SNX3: variants seen among roughly 807,000 people sequenced by gnomAD.
SNX3 encodes sorting nexin 3.
Under a neutral mutation model 17.7 loss-of-function variants are expected in SNX3, and 5 were observed. The observed-to-expected ratio is 0.28, with a 90% CI of 0.15 to 0.59. The LOEUF (loss-of-function observed/expected upper bound fraction) is 0.59. Among genes scored for constraint, SNX3 ranks in the 20% least tolerant of loss-of-function variants. The probability of loss-of-function intolerance (pLI) is 0.88; values close to 1 mark genes in which losing one functional copy is unlikely to be tolerated. For missense variants in SNX3, 132 were observed against 206.8 expected (o/e 0.64, Z 2.22); for synonymous variants, 91 against 76.5 (o/e 1.19, Z -0.99).
chr6:108,261,000 G>A lies in SNX3; in HGVS notation c.-79C>T. ...GCCGCCGCCGCCGCCGCTGCTGCCC[G>A]CCGTGGGGACACGGGGCTCGCGCGC... On this transcript the variant is annotated 5_prime_UTR_variant, in exon 1 of 4. Coordinates refer to ENST00000230085, the MANE Select transcript of SNX3 (RefSeq NM_003795.6). The A allele has an allele frequency of 1.5e-6, 2 of 1,331,550 alleles. No homozygotes were observed. The highest frequency in any genetic ancestry group is 2.0e-6 in the Non-Finnish European group (2 of 1,022,678). 82.5% of individuals were successfully genotyped at this position (1,331,550 alleles called of 1,614,324 possible).
intron 1 of SNX3, among the ~76,000 whole-genome samples, chr6:108,239,442 G>GC (rs1270865416): frequency 6.6e-6 from 1 of 152,136 alleles, no homozygotes; most frequent in African/African-American, 2.4e-5. Flanking sequence ...GGGCAATATA[G>GC]CAAGACCCTG....
intron 2 of SNX3, among the ~76,000 whole-genome samples, chr6:108,221,317 T>A (rs953939480): frequency 1.3e-5 from 2 of 151,662 alleles, no homozygotes; most frequent in Non-Finnish European, 2.9e-5. Context: ...TATATTTTAC[T>A]ATATTTTTCC....
At chr6:108,245,534 G>A (rs913083418) in intron 1 of SNX3, among the ~76,000 whole-genome samples, 1 of 152,170 alleles carries the variant, frequency 6.6e-6, no homozygotes, top group East Asian at 1.9e-4. Flanking sequence ...ATGCCACACT[G>A]TCTTCCCCAA....
intron 1 of SNX3, among the ~76,000 whole-genome samples, chr6:108,248,175 C>T (rs983331154): frequency 1.3e-5 from 2 of 152,140 alleles, no homozygotes; most frequent in African/African-American, 4.8e-5. Flanking sequence ...ACACTCCTGG[C>T]CCCTCAGGGC....
intron 1 of SNX3, among the ~76,000 whole-genome samples, chr6:108,229,622 T>C (rs1381826303): frequency 6.6e-6 from 1 of 152,190 alleles, no homozygotes; most frequent in Non-Finnish European, 1.5e-5. Flanking sequence ...AGTTTCGCTC[T>C]TGTCGCCCAT....
intron 1 of SNX3, among the ~76,000 whole-genome samples, chr6:108,254,001 C>T (rs1053244484): frequency 2.0e-5 from 3 of 151,980 alleles, no homozygotes; most frequent in Non-Finnish European, 4.4e-5. Context: ...GTGGCAGGCA[C>T]CTGTAGTCCC....
chr6:108,231,158 G>A (rs1203220586), intron 1 of SNX3, among the ~76,000 whole-genome samples: 1 of 151,542 alleles, frequency 6.6e-6, no homozygotes, highest in Non-Finnish European at 1.5e-5. Flanking sequence ...AGGCTGGAGT[G>A]CAATGGCGCG....
At chr6:108,219,573 C>T (rs889358439) in intron 2 of SNX3, among the ~76,000 whole-genome samples, 2 of 152,112 alleles carry the variant, frequency 1.3e-5, no homozygotes, top group East Asian at 3.8e-4. Flanking sequence ...ATCACGCCAC[C>T]GCATTTCAGC....
intron 1 of SNX3, among the ~76,000 whole-genome samples, chr6:108,230,220 T>G (rs540438019): frequency 9.3e-4 from 142 of 152,220 alleles, no homozygotes; most frequent in African/African-American, 3.3e-3. Flanking sequence ...ACTAAAACTT[T>G]TGAAATTTAA....
At chr6:108,245,330 C>T (rs543664169) in intron 1 of SNX3, among the ~76,000 whole-genome samples, 3 of 152,024 alleles carry the variant, frequency 2.0e-5, no homozygotes, top group Non-Finnish European at 4.4e-5. Flanking sequence ...ACGGTATATA[C>T]GTGCATTTTC....
At chr6:108,247,593 G>C (rs1209884204) in intron 1 of SNX3, among the ~76,000 whole-genome samples, 8 of 151,804 alleles carry the variant, frequency 5.3e-5, no homozygotes, top group Non-Finnish European at 1.0e-4. Flanking sequence ...TGTTTCCCAG[G>C]CTGGTCTTGA....
At chr6:108,234,525 T>G (rs1775266020) in intron 1 of SNX3, among the ~76,000 whole-genome samples, 1 of 152,118 alleles carries the variant, frequency 6.6e-6, no homozygotes, top group African/African-American at 2.4e-5. Context: ...CACTCTAGCC[T>G]GGGCAACAGA....
chr6:108,260,949 G>A lies in SNX3; in HGVS notation c.-28C>T, dbSNP rs1776181524. ...CGCTGTAGCTGCTGCCGCCGCCGCGGGCTCCCTCCGCCCCCTCCGCGTTCA... is the reference window on the plus strand; with the variant it reads ...CGCTGTAGCTGCTGCCGCCGCCGCGAGCTCCCTCCGCCCCCTCCGCGTTCA... On this transcript the variant is annotated 5_prime_UTR_variant, in exon 1 of 4. Transcript: ENST00000230085. The A allele has an allele frequency of 6.5e-7, 1 of 1,536,400 alleles. No individual in the cohort carries two copies. Among genetic ancestry groups the A allele is most frequent in the East Asian group, 2.6e-5 (1 of 38,564 alleles).
At chr6:108,225,863 C>T (rs1315487151) in intron 1 of SNX3, among the ~76,000 whole-genome samples, 2 of 151,456 alleles carry the variant, frequency 1.3e-5, no homozygotes, top group African/African-American at 2.4e-5. Flanking sequence ...AAGATTCCAT[C>T]TCTACAAAAA....
At chr6:108,253,393 CTTT>C (rs369223904) in intron 1 of SNX3, among the ~76,000 whole-genome samples, 13 of 123,416 alleles carry the variant, frequency 1.1e-4, no homozygotes, top group Admixed American at 8.2e-5. Context: ...ATACATATGT[CTTT>C]TTTTTTTTTT....
At chr6:108,226,324 T>C (rs627043) in intron 1 of SNX3, among the ~76,000 whole-genome samples, 311 of 152,296 alleles carry the variant, frequency 2.0e-3, no homozygotes, top group African/African-American at 7.1e-3. Context: ...TCCATCTGTA[T>C]TGGACTCCCA....
intron 1 of SNX3, among the ~76,000 whole-genome samples, chr6:108,240,411 G>T (rs2114744689): frequency 6.6e-6 from 1 of 152,266 alleles, no homozygotes; most frequent in African/African-American, 2.4e-5. Flanking sequence ...TAGATATGGA[G>T]TTTCACCATG....
At chr6:108,245,117 C>G (rs1336717318) in intron 1 of SNX3, among the ~76,000 whole-genome samples, 1 of 152,092 alleles carries the variant, frequency 6.6e-6, no homozygotes, top group African/African-American at 2.4e-5. Context: ...CCTTGCCCCC[C>G]AATCCCCAGC....
intron 3 of SNX3, among the ~76,000 whole-genome samples, chr6:108,213,649 CAAA>C (rs34482948): frequency 2.4e-5 from 2 of 84,402 alleles, no homozygotes; most frequent in Non-Finnish European, 2.4e-5. Flanking sequence ...AAGACTGTCT[CAAA>C]AAAAAAAAAA....
Sources: gnomAD v4.1 joint callset for allele counts (sites outside exome capture counted in the v4.1 genomes callset) on GRCh38, gnomAD v4.1.1 for gene constraint, MANE v1.5 for transcripts, NCBI Gene and HGNC (gene_info 2026-07-23, HGNC 2026-07-21) for gene names.